Variants in COL14A1 observed in about 807,000 individuals in gnomAD.
COL14A1 encodes the protein collagen alpha-1(XIV) chain.
In COL14A1, 136 loss-of-function variants were observed where a neutral mutation model predicts 230.3. The ratio of observed to expected loss-of-function variants is 0.59; its 90% CI spans 0.51 to 0.68. The LOEUF is 0.68. Ranked by LOEUF, COL14A1 falls within the 30% of genes least tolerant of loss-of-function variation. COL14A1 has a pLI of 0.00. For synonymous variants in COL14A1, 792 were observed against 784.1 expected (o/e 1.01, Z -0.17); for missense variants, 1,976 against 2,215.8 (o/e 0.89, Z 2.17).
rs1414047444 is a variant in COL14A1, at chr8:120,237,755, T to TACCTTTGGTCTTTGATGTTGGTG, written c.2350-6115_2350-6093dup. Among the ~76,000 whole-genome samples, 17 of 152,352 alleles carry TACCTTTGGTCTTTGATGTTGGTG rather than the reference T, an allele frequency of 1.1e-4. No homozygotes were observed. The East Asian group carries it at 2.9e-3, about 26-fold the overall frequency. ...TTTTTCTCATCTTTCTGGATTTGTC[T>TACCTTTGGTCTTTGATGTTGGTG]ACCTTTGGTCTTTGATGTTGGTGAC... On this transcript the variant is annotated intron_variant, in intron 19 of 47. Transcript: ENST00000297848.
Position 120,182,525 on chromosome 8 carries a change from TA to T in COL14A1, c.437-14265del, listed in dbSNP as rs1586744662. Reference sequence around the variant, plus strand: ...AAAGTAAACATACAGCCAGATCATGTAGTATTATATACACAGAGCTGAAAAT... The same window carrying T: ...AAAGTAAACATACAGCCAGATCATGTGTATTATATACACAGAGCTGAAAAT... On this transcript the variant is annotated intron_variant, in intron 5 of 47. Transcript: ENST00000297848. Among the ~76,000 whole-genome samples the T allele has an allele frequency of 3.3e-5, 5 of 152,294 alleles. No individual in the cohort carries two copies. The East Asian group carries it at 9.7e-4, about 29-fold the overall frequency.
At chr8:120,242,764 T>C (rs1349523888) in intron 19 of COL14A1, among the ~76,000 whole-genome samples, 1 of 152,236 alleles carries the variant, frequency 6.6e-6, no homozygotes, top group African/African-American at 2.4e-5. Context: ...AAAAATCATC[T>C]AATTTAGATT....
chr8:120,130,525 C>T (rs1407937063), intron 1 of COL14A1, among the ~76,000 whole-genome samples: 2 of 151,800 alleles, frequency 1.3e-5, no homozygotes, highest in South Asian at 2.1e-4. Flanking sequence ...TGATATTTCT[C>T]TCTTAAACAA....
chr8:120,293,078 G>T (rs1406797441), intron 34 of COL14A1, among the ~76,000 whole-genome samples: 1 of 151,930 alleles, frequency 6.6e-6, no homozygotes, highest in Admixed American at 6.6e-5. Flanking sequence ...AGTTTCTCCT[G>T]CATTTTCTGG....
intron 35 of COL14A1, among the ~76,000 whole-genome samples, chr8:120,297,930 C>A (rs565872790): frequency 6.6e-6 from 1 of 152,114 alleles, no homozygotes; most frequent in East Asian, 1.9e-4. Flanking sequence ...TAGGTCCAAA[C>A]ATCTTACTAA....
chr8:120,343,952 T>G (rs1822407230), intron 44 of COL14A1, among the ~76,000 whole-genome samples: 1 of 152,226 alleles, frequency 6.6e-6, no homozygotes, highest in South Asian at 2.1e-4. Context: ...TGCTGTCTTA[T>G]TCTACTGTAG....
intron 25 of COL14A1, among the ~76,000 whole-genome samples, chr8:120,269,684 CTAGACAG>C (rs1360349355): frequency 2.0e-5 from 3 of 151,722 alleles, no homozygotes; most frequent in Non-Finnish European, 3.0e-5. Context: ...TCAGTTGGCA[CTAGACAG>C]TGTTTGCTGA....
chr8:120,209,389 G>A (rs1361577583), intron 11 of COL14A1, among the ~76,000 whole-genome samples: 1 of 151,986 alleles, frequency 6.6e-6, no homozygotes, highest in Non-Finnish European at 1.5e-5. Flanking sequence ...AAAGAAAAAG[G>A]ATGTTTTAGT....
At chr8:120,167,635 AC>A (rs1815951359) in intron 4 of COL14A1, among the ~76,000 whole-genome samples, 2 of 152,138 alleles carry the variant, frequency 1.3e-5, no homozygotes, top group South Asian at 4.1e-4. Flanking sequence ...ATTAATAGAG[AC>A]CTTTTTTTAA....
At chr8:120,178,511 A>G (rs1000982995) in intron 5 of COL14A1, among the ~76,000 whole-genome samples, 1 of 152,150 alleles carries the variant, frequency 6.6e-6, no homozygotes, top group Non-Finnish European at 1.5e-5. Context: ...AGTCTTTGCT[A>G]TTGTGAACAG....
At chr8:120,127,191 T>C (rs1249467075) in intron 1 of COL14A1, among the ~76,000 whole-genome samples, 2 of 152,228 alleles carry the variant, frequency 1.3e-5, no homozygotes, top group Admixed American at 6.5e-5. Context: ...CTGCTTCTTT[T>C]ACCTAGCAAA....
chr8:120,345,107 G>T (rs1229129759), intron 44 of COL14A1, among the ~76,000 whole-genome samples: 2 of 152,190 alleles, frequency 1.3e-5, no homozygotes, highest in Non-Finnish European at 2.9e-5. Flanking sequence ...TACAACTTCT[G>T]CTCAGTGATG....
At chr8:120,160,510 C>T (rs1815628518) in intron 3 of COL14A1, among the ~76,000 whole-genome samples, 1 of 151,956 alleles carries the variant, frequency 6.6e-6, no homozygotes, top group African/African-American at 2.4e-5. Flanking sequence ...AAGAGTGCAC[C>T]CAAGAAGTAG....
intron 34 of COL14A1, among the ~76,000 whole-genome samples, chr8:120,292,426 A>G (rs927997007): frequency 6.6e-6 from 1 of 152,166 alleles, no homozygotes; most frequent in Admixed American, 6.5e-5. Context: ...CTAGAAGTCT[A>G]CAAAGGATTA....
In COL14A1 at chr8:120,250,628, A is replaced by G. The variant is rs1302505670; in HGVS notation, c.2614A>G (p.Thr872Ala). The G allele has an allele frequency of 6.2e-7, 1 of 1,614,218 alleles. No homozygotes were observed. The highest frequency in any genetic ancestry group is 1.1e-5 in the South Asian group (1 of 91,078). Residue 872 changes from threonine (T) to alanine (A), a missense_variant, in exon 22 of 48, where the codon ACA becomes GCA. Transcript: ENST00000297848. Reference sequence around the variant, plus strand: ...TCTTTCTTCTTTAGTTCCTGGTCCAACACTGGAAACGTTTGTGGGAGCTGA... The same window carrying G: ...TCTTTCTTCTTTAGTTCCTGGTCCAGCACTGGAAACGTTTGTGGGAGCTGA... ...VYKPVSVPGP[T>A]LETFVGADIN...
At chr8:120,287,890 AT>A (rs542160179) in intron 33 of COL14A1, among the ~76,000 whole-genome samples, 1 of 152,018 alleles carries the variant, frequency 6.6e-6, no homozygotes, top group South Asian at 2.1e-4. Flanking sequence ...AGTTAGTTTT[AT>A]TTTTTACACT....
chr8:120,287,655 TA>T (rs1338938875), intron 33 of COL14A1, among the ~76,000 whole-genome samples: 1 of 152,118 alleles, frequency 6.6e-6, no homozygotes, highest in African/African-American at 2.4e-5. Context: ...TTCAAATTTT[TA>T]AAAGTTATAT....
intron 5 of COL14A1, among the ~76,000 whole-genome samples, chr8:120,179,363 G>T (rs928810610): frequency 5.3e-5 from 8 of 152,060 alleles, no homozygotes; most frequent in Non-Finnish European, 1.2e-4. Flanking sequence ...AAATTAATGT[G>T]CAAAAATCAC....
chr8:120,166,906 GTGTGTGTGTGTGT>G (rs1196588065), intron 4 of COL14A1, among the ~76,000 whole-genome samples: 7 of 149,636 alleles, frequency 4.7e-5, no homozygotes, highest in Admixed American at 1.3e-4. Flanking sequence ...GTGTGTGTGT[GTGTGTGTGTGTGT>G]GTGGTGGTGA....
Sources: gnomAD v4.1 joint callset for allele counts (sites outside exome capture counted in the v4.1 genomes callset) on GRCh38, gnomAD v4.1.1 for gene constraint, MANE v1.5 for transcripts, NCBI Gene and HGNC (gene_info 2026-07-23, HGNC 2026-07-21) for gene names.